Variants in WAPL observed in about 807,000 individuals in gnomAD.
The protein encoded by WAPL is WAPL cohesin release factor, also known as wings apart-like protein homolog.
WAPL carries 5 observed loss-of-function variants against 121.0 expected under a neutral mutation model. The observed-to-expected ratio is 0.04, with a 90% confidence interval of 0.02 to 0.09. The LOEUF (loss-of-function observed/expected upper bound fraction) is 0.09, where lower values mean the gene tolerates loss of function less well. Ranked by LOEUF, WAPL falls within the 10% of genes least tolerant of loss-of-function variation. WAPL has a pLI of 1.00. For synonymous variants in WAPL, 480 were observed against 481.5 expected (o/e 1.00, Z 0.04); for missense variants, 999 against 1,410.8 (o/e 0.71, Z 4.68).
Position 86,521,426 on chromosome 10 carries a change from C to T in WAPL, c.-84G>A. The T allele has an allele frequency of 6.5e-6, 2 of 309,334 alleles. No homozygotes were observed. The highest frequency in any genetic ancestry group is 4.9e-5 in the South Asian group (2 of 40,442). The allele number at this position is 309,334 out of a possible 1,614,324, so 19.2% of individuals were successfully genotyped here. A position where few individuals can be genotyped will look rare whatever the true frequency, so the allele number is the denominator to read the frequency against. On this transcript the variant is annotated 5_prime_UTR_variant, in exon 1 of 19. Coordinates refer to ENST00000298767, the MANE Select transcript of WAPL (RefSeq NM_015045.5). ...CTCCGCCTCTCCCGCTCCCTACGGC[C>T]CGCGGGCGGGCGCGGAACCCTCGCG...
At chr10:86,441,965 T>C (rs966226655) in intron 17 of WAPL, among the ~76,000 whole-genome samples, 4 of 152,240 alleles carry the variant, frequency 2.6e-5, no homozygotes, top group African/African-American at 9.6e-5. Context: ...GGTTTCATAC[T>C]ATCCCTTCTT....
intron 15 of WAPL, among the ~76,000 whole-genome samples, chr10:86,451,535 G>C (rs1047615550): frequency 6.6e-6 from 1 of 152,016 alleles, no homozygotes; most frequent in South Asian, 2.1e-4. Context: ...TGGGATTACA[G>C]GTGCATGCCA....
chr10:86,512,785 G>A (rs556653229), intron 2 of WAPL, among the ~76,000 whole-genome samples: 12 of 152,296 alleles, frequency 7.9e-5, no homozygotes, highest in African/African-American at 2.4e-4. Context: ...AGAGAGTAGC[G>A]TGCAAAACAG....
Position 86,435,766 on chromosome 10 carries a change from TATA to T in WAPL, c.*1774_*1776del, listed in dbSNP as rs921990304. The T allele has an allele frequency of 1.2e-4, 19 of 152,506 alleles. No individual in the cohort carries two copies. The highest frequency in any genetic ancestry group is 1.0e-3 in the Admixed American group (16 of 15,272). The allele number at this position is 152,506 out of a possible 1,614,324, so 9.4% of individuals were successfully genotyped here. A position where few individuals can be genotyped will look rare whatever the true frequency, so the allele number is the denominator to read the frequency against. On this transcript the variant is annotated 3_prime_UTR_variant, in exon 19 of 19. Coordinates refer to ENST00000298767, the MANE Select transcript of WAPL (RefSeq NM_015045.5). ...CCTGATTGTTCTCATCCAAATGTTT[TATA>T]ATATTCCTTACCATCTGCCACAAGT...
chr10:86,454,675 C>A (rs954701722), intron 12 of WAPL, among the ~76,000 whole-genome samples: 1 of 152,080 alleles, frequency 6.6e-6, no homozygotes, highest in Non-Finnish European at 1.5e-5. Flanking sequence ...AAGTGAGGAG[C>A]GTCTCTGCCT....
intron 4 of WAPL, among the ~76,000 whole-genome samples, chr10:86,481,650 G>T: frequency 6.6e-6 from 1 of 152,076 alleles, no homozygotes. Flanking sequence ...TGGGATTACA[G>T]GCGTGAACCA....
chr10:86,464,316 G>C (rs766941410), intron 9 of WAPL, among the ~76,000 whole-genome samples: 4 of 152,022 alleles, frequency 2.6e-5, no homozygotes, highest in Non-Finnish European at 2.9e-5. Flanking sequence ...TTTTATTCTG[G>C]TATTTATCAT....
At chr10:86,458,913 T>C in intron 12 of WAPL, 76 bp downstream of exon 12, 1 of 1,225,372 alleles carries the variant, frequency 8.2e-7, no homozygotes, top group South Asian at 1.4e-5. Flanking sequence ...AATCCAAATT[T>C]CTTTCATTTA....
intron 12 of WAPL, among the ~76,000 whole-genome samples, chr10:86,458,116 T>G (rs1348415997): frequency 2.6e-5 from 4 of 152,214 alleles, no homozygotes; most frequent in African/African-American, 9.6e-5. Context: ...AATAAGAAAG[T>G]TGTACATATA....
chr10:86,515,949 T>G (rs1396728817), intron 2 of WAPL, among the ~76,000 whole-genome samples: 2 of 127,894 alleles, frequency 1.6e-5, no homozygotes, highest in African/African-American at 3.0e-5. Context: ...CACTGCAACC[T>G]CTGTCTCCTG....
intron 4 of WAPL, among the ~76,000 whole-genome samples, chr10:86,474,774 G>C (rs1379800316): frequency 6.6e-6 from 1 of 152,036 alleles, no homozygotes; most frequent in Admixed American, 6.5e-5. Context: ...TAGTTCAATG[G>C]GTTCTTTGGC....
Position 86,436,590 on chromosome 10 carries a change from T to C in WAPL, c.*953A>G, listed in dbSNP as rs1589483784. The C allele has an allele frequency of 1.3e-5, 2 of 152,682 alleles. No individual in the cohort carries two copies. The highest frequency in any genetic ancestry group is 1.3e-4 in the Admixed American group (2 of 15,280). 9.5% of individuals were successfully genotyped at this position (152,682 alleles called of 1,614,324 possible). ...TTATGCAATTGATCCTGTCACTCTATAGAAGAATATACATGTTATCTGGAA... is the reference window on the plus strand; with the variant it reads ...TTATGCAATTGATCCTGTCACTCTACAGAAGAATATACATGTTATCTGGAA... On this transcript the variant is annotated 3_prime_UTR_variant, in exon 19 of 19. Coordinates refer to ENST00000298767, the MANE Select transcript of WAPL (RefSeq NM_015045.5).
intron 15 of WAPL, among the ~76,000 whole-genome samples, chr10:86,450,496 A>G (rs993503553): frequency 6.6e-6 from 1 of 152,152 alleles, no homozygotes; most frequent in African/African-American, 2.4e-5. Flanking sequence ...TTGGCCTCCC[A>G]AAGTGCTGGG....
intron 17 of WAPL, among the ~76,000 whole-genome samples, chr10:86,439,250 A>G (rs1849402856): frequency 6.6e-6 from 1 of 152,212 alleles, no homozygotes; most frequent in Non-Finnish European, 1.5e-5. Flanking sequence ...ACAGCTTCAG[A>G]AAAGATCTAA....
At chr10:86,464,372 T>G (rs1841353675) in intron 9 of WAPL, among the ~76,000 whole-genome samples, 1 of 152,216 alleles carries the variant, frequency 6.6e-6, no homozygotes, top group Admixed American at 6.5e-5. Context: ...TTATCAAGTT[T>G]ATCATGTTAT....
intron 1 of WAPL, among the ~76,000 whole-genome samples, chr10:86,518,997 A>G (rs1842616391): frequency 6.6e-6 from 1 of 152,126 alleles, no homozygotes; most frequent in Admixed American, 6.5e-5. Flanking sequence ...GCTGAGTTAT[A>G]TTTTCTGGGG....
intron 4 of WAPL, among the ~76,000 whole-genome samples, chr10:86,486,356 T>C (rs755014651): frequency 3.9e-5 from 6 of 152,236 alleles, no homozygotes; most frequent in Non-Finnish European, 8.8e-5. Context: ...TCTTCAATTG[T>C]AAGATTTTGC....
intron 17 of WAPL, among the ~76,000 whole-genome samples, chr10:86,440,891 A>G (rs530539789): frequency 6.7e-4 from 102 of 151,566 alleles, no homozygotes; most frequent in African/African-American, 2.4e-3. Context: ...TGAAAAAAAA[A>G]AAAAAAGGCA....
intron 7 of WAPL, 146 bp from the exon 8 acceptor site, chr10:86,471,249 C>G (rs1564572172): frequency 3.7e-6 from 2 of 545,660 alleles, no homozygotes; most frequent in African/African-American, 3.8e-5. Context: ...AAACCATAGG[C>G]AAAACACATT....
Sources: allele counts gnomAD v4.1 joint callset (sites outside exome capture counted in the v4.1 genomes callset), GRCh38; gene constraint gnomAD v4.1.1; transcripts MANE v1.5; gene names NCBI Gene and HGNC (gene_info 2026-07-23, HGNC 2026-07-21).